OXR1: variants seen among roughly 807,000 people sequenced by gnomAD.
OXR1 encodes the protein oxidation resistance 1.
OXR1 carries 41 observed loss-of-function variants against 104.6 expected under a neutral mutation model. The ratio of observed to expected loss-of-function variants is 0.39; its 90% CI spans 0.31 to 0.51. The LOEUF is 0.51. OXR1 is among the 20% of genes least tolerant of loss of function. OXR1 has a pLI of 0.77. For missense variants in OXR1, 955 were observed against 1,031.9 expected, an observed-to-expected ratio of 0.93 and a Z score of 1.02; for synonymous variants, 348 against 348.4, an observed-to-expected ratio of 1.00 and a Z score of 0.01.
chr8:106,726,266 A>G, intron 11 of OXR1: 1 of 1,530,086 alleles, frequency 6.5e-7, no homozygotes, highest in Non-Finnish European at 8.7e-7. Context: ...TGGTATGGGA[A>G]AAAAGGGAGA....
chr8:106,522,157 G>A (rs1182081482), intron 3 of OXR1, among the ~76,000 whole-genome samples: 1 of 152,056 alleles, frequency 6.6e-6, no homozygotes, highest in Non-Finnish European at 1.5e-5. Flanking sequence ...TGGCTGCAGT[G>A]GCTTTTCTAG....
At chr8:106,548,108 G>T (rs375883961) in intron 3 of OXR1, among the ~76,000 whole-genome samples, 8 of 152,012 alleles carry the variant, frequency 5.3e-5, no homozygotes, top group East Asian at 1.9e-4. Context: ...CCAATTTTTC[G>T]TATCTTTGCC....
intron 1 of OXR1, among the ~76,000 whole-genome samples, chr8:106,331,996 TAG>T (rs1491208108): frequency 2.8e-5 from 3 of 107,070 alleles, no homozygotes; most frequent in East Asian, 2.8e-4. Context: ...AGAAAGAACA[TAG>T]TGTGTGTGTG....
chr8:106,425,280 T>C (rs1586630657), intron 2 of OXR1, among the ~76,000 whole-genome samples: 1 of 151,996 alleles, frequency 6.6e-6, no homozygotes, highest in Middle Eastern at 3.4e-3. Flanking sequence ...CCCAAGCTGG[T>C]CTGGAACTTC....
intron 1 of OXR1, among the ~76,000 whole-genome samples, chr8:106,347,586 C>T (rs1400905744): frequency 1.3e-5 from 2 of 152,070 alleles, no homozygotes; most frequent in East Asian, 3.8e-4. Flanking sequence ...CTAGGTTGTA[C>T]AGGGACTAGG....
At chr8:106,599,893 C>T (rs1819833765) in intron 3 of OXR1, among the ~76,000 whole-genome samples, 1 of 152,126 alleles carries the variant, frequency 6.6e-6, no homozygotes, top group Admixed American at 6.5e-5. Context: ...CACAGATGAT[C>T]AGGCATTAGA....
At chr8:106,417,753 G>A (rs1318737426) in intron 2 of OXR1, among the ~76,000 whole-genome samples, 2 of 152,160 alleles carry the variant, frequency 1.3e-5, no homozygotes, top group African/African-American at 2.4e-5. Context: ...CATAAAGTAT[G>A]AAGTATTGTT....
At chr8:106,427,701 A>C (rs1224850178) in intron 2 of OXR1, among the ~76,000 whole-genome samples, 2 of 152,184 alleles carry the variant, frequency 1.3e-5, no homozygotes, top group Admixed American at 6.6e-5. Flanking sequence ...CTATGTGAAG[A>C]CTATGTTCTG....
chr8:106,584,909 A>G (rs1194619759), intron 3 of OXR1, among the ~76,000 whole-genome samples: 2 of 152,108 alleles, frequency 1.3e-5, no homozygotes, highest in Non-Finnish European at 2.9e-5. Context: ...GGAGAGTAGG[A>G]AAAAGGGTGG....
chr8:106,293,679 G>T (rs567680639), intron 1 of OXR1, among the ~76,000 whole-genome samples: 8 of 152,078 alleles, frequency 5.3e-5, no homozygotes, highest in Non-Finnish European at 1.0e-4. Flanking sequence ...ATCTGGTGAG[G>T]GCCTTTTTAC....
At chr8:106,609,843 A>AAT (rs1277297999) in intron 3 of OXR1, among the ~76,000 whole-genome samples, 2 of 6,366 alleles carry the variant, frequency 3.1e-4, no homozygotes, top group African/African-American at 1.5e-3. Flanking sequence ...GTATGTATAT[A>AAT]ACACACACAC....
chr8:106,555,641 T>C (rs1816207738), intron 3 of OXR1, among the ~76,000 whole-genome samples: 2 of 152,058 alleles, frequency 1.3e-5, no homozygotes, highest in South Asian at 4.1e-4. Context: ...TGCTCATTAC[T>C]AAAGACAGAG....
intron 2 of OXR1, among the ~76,000 whole-genome samples, chr8:106,392,311 G>A (rs79977179): frequency 0.025 from 3,756 of 152,284 alleles, 50 homozygotes; most frequent in Non-Finnish European, 0.031. Context: ...AGAGGACTGC[G>A]TTTGAGAGGG....
At chr8:106,273,612 G>T (rs554070299) in intron 1 of OXR1, among the ~76,000 whole-genome samples, 1 of 152,188 alleles carries the variant, frequency 6.6e-6, no homozygotes, top group African/African-American at 2.4e-5. Flanking sequence ...TCAATAAGAT[G>T]TGCTTAACAT....
intron 2 of OXR1, among the ~76,000 whole-genome samples, chr8:106,457,403 G>A (rs1820659762): frequency 6.6e-6 from 1 of 152,126 alleles, no homozygotes; most frequent in Admixed American, 6.6e-5. Flanking sequence ...AGAAATAAAT[G>A]TATTTCCTCT....
intron 3 of OXR1, among the ~76,000 whole-genome samples, chr8:106,596,698 C>T (rs371246806): frequency 3.9e-5 from 6 of 152,200 alleles, no homozygotes; most frequent in African/African-American, 1.4e-4. Context: ...GACTTTCCCA[C>T]TCCATAGAGT....
chr8:106,576,005 C>CACAT (rs1817803275), intron 3 of OXR1, among the ~76,000 whole-genome samples: 2 of 151,592 alleles, frequency 1.3e-5, no homozygotes, highest in African/African-American at 4.8e-5. Flanking sequence ...CACACACACA[C>CACAT]ACACACACAC....
At chr8:106,697,729 T>A in intron 7 of OXR1, 2 of 1,614,040 alleles carry the variant, frequency 1.2e-6, no homozygotes, top group Non-Finnish European at 1.7e-6. Context: ...TTGCAGGAAC[T>A]GAGAGATCTT....
intron 1 of OXR1, among the ~76,000 whole-genome samples, chr8:106,307,324 G>T (rs942454254): frequency 6.6e-6 from 1 of 152,050 alleles, no homozygotes; most frequent in Non-Finnish European, 1.5e-5. Context: ...TTTCCCCATT[G>T]TCCCCAGGAT....
Sources: gnomAD v4.1 joint callset for allele counts (sites outside exome capture counted in the v4.1 genomes callset) on GRCh38, gnomAD v4.1.1 for gene constraint, MANE v1.5 for transcripts, NCBI Gene and HGNC (gene_info 2026-07-23, HGNC 2026-07-21) for gene names.